The following PHF14 variants were observed in gnomAD, a reference collection of about 807,000 sequenced individuals.
PHF14 encodes the protein PHD finger protein 14.
Under a neutral mutation model 117.9 loss-of-function variants are expected in PHF14, and 55 were observed. That is an observed-to-expected ratio of 0.47 (90% CI 0.38 to 0.58). The LOEUF is 0.58. Among genes scored for constraint, PHF14 ranks in the 20% least tolerant of loss-of-function variants. The probability of loss-of-function intolerance (pLI) is 0.00; values close to 1 mark genes in which losing one functional copy is unlikely to be tolerated. For synonymous variants in PHF14, 409 were observed against 368.6 expected (o/e 1.11, Z -1.26); for missense variants, 978 against 1,122.2 (o/e 0.87, Z 1.84).
chr7:11,117,569 C>A, intron 17 of PHF14, among the ~76,000 whole-genome samples: 1 of 77,946 alleles, frequency 1.3e-5, no homozygotes, highest in Non-Finnish European at 2.7e-5. Context: ...TAACTATGCC[C>A]AAACGATATA....
intron 17 of PHF14, among the ~76,000 whole-genome samples, chr7:11,152,777 G>A (rs1228632683): frequency 1.3e-5 from 2 of 152,136 alleles, no homozygotes; most frequent in East Asian, 3.9e-4. Context: ...TCTGAGTGAT[G>A]GAGGAAGGGC....
chr7:11,008,335 C>T (rs1783199603), intron 4 of PHF14, among the ~76,000 whole-genome samples: 1 of 152,094 alleles, frequency 6.6e-6, no homozygotes, highest in Non-Finnish European at 1.5e-5. Context: ...TTCTTTTGTG[C>T]TTTAGGACAG....
chr7:10,989,933 C>G (rs1310039595), intron 3 of PHF14, among the ~76,000 whole-genome samples: 2 of 152,180 alleles, frequency 1.3e-5, no homozygotes, highest in Non-Finnish European at 2.9e-5. Context: ...TGCCCATCCT[C>G]TCTTTTTATA....
intron 2 of PHF14, among the ~76,000 whole-genome samples, chr7:10,979,551 C>G (rs1027617471): frequency 4.1e-5 from 6 of 145,336 alleles, no homozygotes. Context: ...TCCTTTCTCT[C>G]TCTTTTTTTT....
chr7:11,029,830 T>C (rs985545768), intron 7 of PHF14, among the ~76,000 whole-genome samples: 1 of 152,120 alleles, frequency 6.6e-6, no homozygotes, highest in African/African-American at 2.4e-5. Context: ...GGCTTTATGG[T>C]AATAGTCTAA....
At position 11,036,429 on chromosome 7, in the gene PHF14, T is replaced by C. The variant is rs754864419; in HGVS notation, c.1614T>C (p.Asn538=). ...CATTTCTTTTATAGGCAAGGATCAA[T>C]GCCCGGCTTCAGCAGTATCGTGCCA... ...QLSPEAQARI[N]ARLQQYRAKA... is the part of the protein sequence containing the mutation. Residue 538 remains asparagine (N), a synonymous_variant, in exon 9 of 18, where the codon AAT becomes AAC. Coordinates refer to ENST00000634607, the MANE Select transcript of PHF14 (RefSeq NM_001007157.2). 2 of 1,612,066 alleles carry C rather than the reference T, an allele frequency of 1.2e-6. No homozygotes were observed. Among genetic ancestry groups the C allele is most frequent in the South Asian group, 2.2e-5 (2 of 90,924 alleles).
At chr7:11,052,057 C>G (rs993368310) in intron 14 of PHF14, among the ~76,000 whole-genome samples, 1 of 152,124 alleles carries the variant, frequency 6.6e-6, no homozygotes, top group Non-Finnish European at 1.5e-5. Context: ...AGAAGTTTCC[C>G]GTAAACCCCT....
intron 17 of PHF14, among the ~76,000 whole-genome samples, chr7:11,113,702 A>C (rs1787517073): frequency 6.6e-6 from 1 of 152,128 alleles, no homozygotes; most frequent in Non-Finnish European, 1.5e-5. Flanking sequence ...GTGCTGCATC[A>C]GTGGTTTTTC....
chr7:11,132,990 G>T (rs189136251), intron 17 of PHF14, among the ~76,000 whole-genome samples: 56 of 151,840 alleles, frequency 3.7e-4, no homozygotes, highest in Non-Finnish European at 7.5e-4. Context: ...TCTTAGGTAT[G>T]AATCTAACAA....
Position 11,038,769 on chromosome 7 carries a change from T to A in PHF14, c.1990T>A (p.Ser664Thr). 6.5e-7 allele frequency: 1 copy of A among 1,547,892 alleles called. No individual in the cohort carries two copies. Among genetic ancestry groups the A allele is most frequent in the Non-Finnish European group, 8.8e-7 (1 of 1,130,216 alleles). Residue 664 changes from serine to threonine, a missense_variant, in exon 11 of 18, where the codon TCT (serine) becomes ACT (threonine). Coordinates refer to ENST00000634607, the MANE Select transcript of PHF14 (RefSeq NM_001007157.2). Reference sequence around the variant, plus strand: ...TTGGCTTACTTTGTAGCTATGTGAATCTTTAGAAGAACTACAAAACCTGAA... The same window carrying A: ...TTGGCTTACTTTGTAGCTATGTGAAACTTTAGAAGAACTACAAAACCTGAA... ...LHVEYNKLCESLEELQNLNGK... is the reference protein window; with the variant it reads ...LHVEYNKLCETLEELQNLNGK...
intron 16 of PHF14, among the ~76,000 whole-genome samples, chr7:11,065,753 T>A (rs1220448524): frequency 6.6e-6 from 1 of 152,142 alleles, no homozygotes; most frequent in Non-Finnish European, 1.5e-5. Flanking sequence ...AACTATCAAA[T>A]TAGGAATAAC....
intron 17 of PHF14, among the ~76,000 whole-genome samples, chr7:11,128,467 C>T (rs1361336710): frequency 1.3e-5 from 2 of 152,008 alleles, no homozygotes; most frequent in African/African-American, 2.4e-5. Context: ...TCTCCTTTCT[C>T]TTCAGTACTT....
intron 13 of PHF14, among the ~76,000 whole-genome samples, chr7:11,049,908 G>C (rs1225406174): frequency 6.6e-6 from 1 of 152,132 alleles, no homozygotes; most frequent in Non-Finnish European, 1.5e-5. Flanking sequence ...ATGAAGTGTA[G>C]CAATAGATAC....
At chr7:11,157,113 C>T (rs1788883971) in intron 17 of PHF14, among the ~76,000 whole-genome samples, 1 of 152,134 alleles carries the variant, frequency 6.6e-6, no homozygotes, top group Non-Finnish European at 1.5e-5. Flanking sequence ...TATTTGCATG[C>T]CTCTCTACCA....
chr7:11,048,298 C>T (rs971467194), intron 13 of PHF14, among the ~76,000 whole-genome samples: 19 of 152,146 alleles, frequency 1.2e-4, no homozygotes, highest in Non-Finnish European at 2.8e-4. Flanking sequence ...TTCAGCTGGG[C>T]GTGGTGGCTC....
intron 16 of PHF14, among the ~76,000 whole-genome samples, chr7:11,077,936 GC>G (rs1201276409): frequency 6.6e-6 from 1 of 152,164 alleles, no homozygotes; most frequent in Non-Finnish European, 1.5e-5. Context: ...TCTCTCTTCA[GC>G]GTGCATGAAA....
chr7:11,028,621 A>C (rs1784010231), intron 6 of PHF14, 60 bp from the exon 7 acceptor site: 1 of 1,483,404 alleles, frequency 6.7e-7, no homozygotes, highest in South Asian at 1.2e-5. Flanking sequence ...TTGTATGAGA[A>C]TGCAGTCTTT....
At chr7:10,987,882 G>A (rs969395489) in intron 3 of PHF14, among the ~76,000 whole-genome samples, 1 of 151,570 alleles carries the variant, frequency 6.6e-6, no homozygotes, top group Non-Finnish European at 1.5e-5. Flanking sequence ...TGGGCGTGGT[G>A]GTACATACCT....
At chr7:11,008,757 C>T (rs117331072) in intron 4 of PHF14, among the ~76,000 whole-genome samples, 1,920 of 151,958 alleles carry the variant, frequency 0.013, 42 homozygotes, top group East Asian at 0.1. Flanking sequence ...CTTTTTTGGC[C>T]GGGCGCGGTG....
Sources: allele counts gnomAD v4.1 joint callset (sites outside exome capture counted in the v4.1 genomes callset), GRCh38; gene constraint gnomAD v4.1.1; transcripts MANE v1.5; gene names NCBI Gene and HGNC (gene_info 2026-07-23, HGNC 2026-07-21).